The following NTN1 variants were observed in gnomAD, a reference collection of about 807,000 sequenced individuals.
NTN1 encodes the protein netrin 1.
Under a neutral mutation model 54.2 loss-of-function variants are expected in NTN1, and 11 were observed. That is an observed-to-expected ratio of 0.20 (90% CI 0.13 to 0.34). The LOEUF is 0.34. Among genes scored for constraint, NTN1 ranks in the 10% least tolerant of loss-of-function variants. The probability of loss-of-function intolerance (pLI) is 1.00; values close to 1 mark genes in which losing one functional copy is unlikely to be tolerated. For synonymous variants in NTN1, 371 were observed against 382.0 expected (o/e 0.97, Z 0.33); for missense variants, 740 against 893.1 (o/e 0.83, Z 2.18).
chr17:9,076,327 C>T (rs1033023629), intron 2 of NTN1, among the ~76,000 whole-genome samples: 2 of 152,186 alleles, frequency 1.3e-5, no homozygotes, highest in Non-Finnish European at 2.9e-5. Context: ...ATGGGAATGC[C>T]TGGACATGTC....
intron 3 of NTN1, among the ~76,000 whole-genome samples, chr17:9,163,471 C>T (rs1268522300): frequency 1.1e-5 from 1 of 89,540 alleles, no homozygotes; most frequent in East Asian, 5.1e-4. Context: ...CCTCACTCCC[C>T]CCCGAAACAC....
intron 6 of NTN1, among the ~76,000 whole-genome samples, chr17:9,233,201 G>T (rs1905874504): frequency 6.6e-6 from 1 of 152,064 alleles, no homozygotes; most frequent in Admixed American, 6.5e-5. Flanking sequence ...CCCCGCGGAG[G>T]TGTCCCACAC....
At chr17:9,136,014 C>G (rs993981408) in intron 2 of NTN1, among the ~76,000 whole-genome samples, 3 of 152,216 alleles carry the variant, frequency 2.0e-5, no homozygotes, top group Non-Finnish European at 4.4e-5. Flanking sequence ...CTGGGAAGCT[C>G]TAAGCCCATT....
At position 9,221,150 on chromosome 17, in the gene NTN1, C is replaced by G. The variant is rs539161884; in HGVS notation, c.1412-18C>G. On this transcript the variant is annotated intron_variant, in intron 5 of 6. Coordinates refer to ENST00000173229, the MANE Select transcript of NTN1 (RefSeq NM_004822.3). This position sits in a 1 kb window ranked among gnomAD's most constrained non-coding sequence, Gnocchi z 4.5. The stretch of plus-strand genomic sequence containing the variant: ...CCTAATTAGTTTTTGTCTGTGCTCC[C>G]CCCCCACCCCCCTGCAGACTGCGAT... The G allele has an allele frequency of 3.4e-4, 507 of 1,472,010 alleles. 10 individuals are homozygous for G. The East Asian group carries it at 0.011, about 33-fold the overall frequency. The allele number at this position is 1,472,010 out of a possible 1,614,324, so 91.2% of individuals were successfully genotyped here.
chr17:9,027,980 C>G (rs952579144), intron 2 of NTN1, among the ~76,000 whole-genome samples: 1 of 152,092 alleles, frequency 6.6e-6, no homozygotes, highest in Non-Finnish European at 1.5e-5. Flanking sequence ...AAAAAATTAG[C>G]TGGGCATAGT....
At chr17:9,185,559 G>A (rs1255554248) in intron 5 of NTN1, among the ~76,000 whole-genome samples, 2 of 152,112 alleles carry the variant, frequency 1.3e-5, no homozygotes, top group African/African-American at 4.8e-5. Context: ...AGCCGTCATG[G>A]GGCAGGGAGG....
chr17:9,091,006 C>A (rs1361432522), intron 2 of NTN1, among the ~76,000 whole-genome samples: 1 of 152,100 alleles, frequency 6.6e-6, no homozygotes, highest in Non-Finnish European at 1.5e-5. Flanking sequence ...AAACAGCCAG[C>A]TGAGGAGGGC....
chr17:9,165,224 G>T lies in NTN1; in HGVS notation c.1207+2223G>T, dbSNP rs1454596314. Among the ~76,000 whole-genome samples, 1 of 152,160 alleles carries T rather than the reference G, an allele frequency of 6.6e-6. No homozygotes were observed. The highest frequency in any genetic ancestry group is 2.4e-5 in the African/African-American group (1 of 41,430). On this transcript the variant is annotated intron_variant, in intron 3 of 6. Transcript: ENST00000173229. This position sits in a 1 kb window ranked among gnomAD's most constrained non-coding sequence, Gnocchi z 4.5. The stretch of plus-strand genomic sequence containing the variant: ...TTAGAAATGTATGTTTCCCAGAGAG[G>T]CAAGAAGGGGCAGGGCCCTGGTCAC...
chr17:9,202,266 T>C (rs7216645), intron 5 of NTN1, among the ~76,000 whole-genome samples: 68,274 of 151,484 alleles, frequency 0.45, 19,175 homozygotes, highest in East Asian at 0.64. Flanking sequence ...AAAGATGAAC[T>C]TGGCAACTTG....
intron 2 of NTN1, among the ~76,000 whole-genome samples, chr17:9,067,997 T>G (rs563674220): frequency 1.3e-5 from 2 of 152,158 alleles, no homozygotes; most frequent in African/African-American, 4.8e-5. Context: ...TTGCTTGAGC[T>G]GAGGAGTTTG....
chr17:9,163,375 A>T (rs1007078275), intron 3 of NTN1, among the ~76,000 whole-genome samples: 1 of 151,882 alleles, frequency 6.6e-6, no homozygotes, highest in Non-Finnish European at 1.5e-5. Flanking sequence ...GCTGCGAGTC[A>T]TGTTCGCCAG....
At chr17:9,224,304 G>A (rs755366517) in intron 6 of NTN1, among the ~76,000 whole-genome samples, 2 of 152,082 alleles carry the variant, frequency 1.3e-5, no homozygotes, top group African/African-American at 2.4e-5. Flanking sequence ...TCGTAGACTC[G>A]AAGGAGCCCC....
chr17:9,185,366 G>A (rs1428608753), intron 5 of NTN1, among the ~76,000 whole-genome samples: 1 of 152,194 alleles, frequency 6.6e-6, no homozygotes, highest in Non-Finnish European at 1.5e-5. Flanking sequence ...TTGAATAGGG[G>A]AGGCCTCTGT....
At chr17:9,148,375 G>A (rs2092319335) in intron 2 of NTN1, among the ~76,000 whole-genome samples, 1 of 152,178 alleles carries the variant, frequency 6.6e-6, no homozygotes, top group Admixed American at 6.6e-5. Flanking sequence ...GACCTGTTGA[G>A]TTGAGGGGCC....
chr17:9,153,086 T>G (rs1262218124), intron 2 of NTN1, among the ~76,000 whole-genome samples: 5 of 152,176 alleles, frequency 3.3e-5, no homozygotes. Flanking sequence ...CTGGCCCACA[T>G]GGTGAAACCC....
At chr17:9,193,672 C>T (rs1904528399) in intron 5 of NTN1, among the ~76,000 whole-genome samples, 2 of 152,102 alleles carry the variant, frequency 1.3e-5, no homozygotes, top group Non-Finnish European at 2.9e-5. Flanking sequence ...CCTGTAATCC[C>T]AGCACTTTGG....
chr17:9,221,240 AT>A lies in NTN1; in HGVS notation c.1485del (p.Tyr495Ter). 1.2e-6 allele frequency: 2 copies of A among 1,611,212 alleles called. No homozygotes were observed. The highest frequency in any genetic ancestry group is 8.5e-7 in the Non-Finnish European group (1 of 1,177,724). On this transcript the variant is annotated frameshift_variant and splice_region_variant, in exon 6 of 7. Coordinates refer to ENST00000173229, the MANE Select transcript of NTN1 (RefSeq NM_004822.3). LOFTEE classifies it high-confidence loss of function. The surrounding 1 kb of genome is among the most constrained non-coding windows in gnomAD (Gnocchi z 4.5). ...INMKKYCKKDYAVQIHILKAD... is the reference protein window; with the variant it reads ...INMKKYCKKDXAVQIHILKAD... ...ATGAAAAAGTACTGCAAGAAGGACT[AT>A]GGTGAGTGAGAGTCCCCTTGTCTGG...
Position 9,221,329 on chromosome 17 carries a change from A to G in NTN1, c.1486+87A>G, listed in dbSNP as rs1004458201. On this transcript the variant is annotated intron_variant, in intron 6 of 6. Coordinates refer to ENST00000173229, the MANE Select transcript of NTN1 (RefSeq NM_004822.3). The surrounding 1 kb of genome is among the most constrained non-coding windows in gnomAD (Gnocchi z 4.5). The stretch of plus-strand genomic sequence containing the variant: ...GGGGCTGGGGTGCAGCTGGCCCCCG[A>G]TGGGTGTTGGTCGTGAAGACCCTGT... 2.0e-6 allele frequency: 2 copies of G among 1,015,230 alleles called. No homozygotes were observed. Among genetic ancestry groups the G allele is most frequent in the African/African-American group, 1.6e-5 (1 of 63,152 alleles). 62.9% of individuals were successfully genotyped at this position (1,015,230 alleles called of 1,614,324 possible). A position where few individuals can be genotyped will look rare whatever the true frequency, so the allele number is the denominator to read the frequency against.
intron 2 of NTN1, among the ~76,000 whole-genome samples, chr17:9,144,449 AGTGC>A (rs2092307478): frequency 6.6e-6 from 1 of 152,222 alleles, no homozygotes; most frequent in Non-Finnish European, 1.5e-5. Context: ...TCAAGTGCAC[AGTGC>A]TAGCCTGAGA....
Sources: allele counts gnomAD v4.1 joint callset (sites outside exome capture counted in the v4.1 genomes callset), GRCh38; gene constraint gnomAD v4.1.1; non-coding constraint Gnocchi (gnomAD v3.1); transcripts MANE v1.5; gene names NCBI Gene and HGNC (gene_info 2026-07-23, HGNC 2026-07-21).